RHBDF2: variants seen among roughly 807,000 people sequenced by gnomAD.
RHBDF2 encodes rhomboid 5 homolog 2, also known as inactive rhomboid protein 2.
In RHBDF2, 38 loss-of-function variants were observed where a neutral mutation model predicts 95.2. The observed-to-expected ratio is 0.40, with a 90% CI of 0.31 to 0.52. RHBDF2 has a LOEUF of 0.52. RHBDF2 is among the 20% of genes least tolerant of loss of function. The pLI is 0.56. For missense variants in RHBDF2, 863 were observed against 1,137.7 expected, an observed-to-expected ratio of 0.76 and a Z score of 3.47; for synonymous variants, 442 against 462.0, an observed-to-expected ratio of 0.96 and a Z score of 0.55.
intron 1 of RHBDF2, among the ~76,000 whole-genome samples, chr17:76,494,328 G>A (rs578257247): frequency 1.4e-4 from 21 of 152,202 alleles, no homozygotes; most frequent in Non-Finnish European, 2.6e-4. Context: ...AGCCCAATGT[G>A]CAGCAGCTGC....
intron 2 of RHBDF2, among the ~76,000 whole-genome samples, chr17:76,482,935 C>G (rs537330944): frequency 6.6e-6 from 1 of 151,934 alleles, no homozygotes; most frequent in Non-Finnish European, 1.5e-5. Flanking sequence ...TTTGGGAGAC[C>G]AAGGTGGATG....
intron 9 of RHBDF2, chr17:76,476,364 G>A: frequency 6.6e-6 from 1 of 151,268 alleles, no homozygotes; most frequent in South Asian, 2.1e-4. Flanking sequence ...TCACTATGTT[G>A]CCCAGGCTGG....
At chr17:76,489,325 G>GTTTTTT in intron 1 of RHBDF2, among the ~76,000 whole-genome samples, 1 of 131,696 alleles carries the variant, frequency 7.6e-6, no homozygotes. Flanking sequence ...GGGCATTCCT[G>GTTTTTT]TTTTTTTTTT....
intron 18 of RHBDF2, 34 bp downstream of exon 18, chr17:76,472,652 T>C (rs556959749): frequency 6.2e-7 from 1 of 1,613,404 alleles, no homozygotes; most frequent in Admixed American, 1.7e-5. Flanking sequence ...TGGCCCCCTA[T>C]GTGCGGAAGG....
In RHBDF2 at chr17:76,476,981, T is replaced by C; in HGVS notation, c.964A>G (p.Lys322Glu). The stretch of plus-strand genomic sequence containing the variant: ...TGCTTCACCTTGGAGGCGATGCGCT[T>C]GCCGCGCCGGGGCCCGGGGACTGGG... ...RAPVPGPRRG[K>E]RIASKVKHFA... The change falls in exon 9 of 19, where the codon AAG (lysine) becomes GAG (glutamate). Residue 322 changes from lysine to glutamate, a missense_variant. Lys to Glu is a moderately conservative substitution (Grantham distance 56). Coordinates refer to ENST00000675367, the MANE Select transcript of RHBDF2 (RefSeq NM_001005498.4). 6.2e-7 allele frequency: 1 copy of C among 1,613,914 alleles called. No individual in the cohort carries two copies. The highest frequency in any genetic ancestry group is 8.5e-7 in the Non-Finnish European group (1 of 1,180,040).
Position 76,474,121 on chromosome 17 carries a change from T to C in RHBDF2, c.1486A>G (p.Lys496Glu), listed in dbSNP as rs150723002. 1,079 of 1,591,040 alleles carry C rather than the reference T, an allele frequency of 6.8e-4. 3 individuals are homozygous for C. The highest frequency in any genetic ancestry group is 1.5e-3 in the Middle Eastern group (9 of 5,946). The change falls in exon 13 of 19, where the codon AAG (lysine) becomes GAG (glutamate). Residue 496 changes from lysine to glutamate, a missense_variant. By Grantham distance (56) the Lys-to-Glu change is moderately conservative. Around this residue, in one of 2 missense-constraint regions of RHBDF2, gnomAD observed 611 missense variants for 725.5 expected, o/e 0.84. Transcript: ENST00000675367. ...DCSETLATFV[K>E]WQDDTGPPMD... is the part of the protein sequence containing the mutation. Reference sequence around the variant, plus strand: ...GGGGGCCCAGTGTCATCCTGCCACTTGACAAAAGTGGCCAAAGTCTCCTGG... The same window carrying C: ...GGGGGCCCAGTGTCATCCTGCCACTCGACAAAAGTGGCCAAAGTCTCCTGG...
intron 1 of RHBDF2, among the ~76,000 whole-genome samples, chr17:76,492,626 T>G (rs2074332865): frequency 6.6e-6 from 1 of 152,086 alleles, no homozygotes; most frequent in South Asian, 2.1e-4. Flanking sequence ...CAGGTGCAGT[T>G]CCCTCTCTCC....
chr17:76,471,136 T>A lies in RHBDF2; in HGVS notation c.*497A>T, dbSNP rs2073543795. ...AAAGCCTTTCCCACAATGTCCCATCTGAGAGCCTTATGGATGGGCTCACAG... is the reference window on the plus strand; with the variant it reads ...AAAGCCTTTCCCACAATGTCCCATCAGAGAGCCTTATGGATGGGCTCACAG... On this transcript the variant is annotated 3_prime_UTR_variant, in exon 19 of 19. Transcript: ENST00000675367. 1 of 161,496 alleles carries A rather than the reference T, an allele frequency of 6.2e-6. No individual in the cohort carries two copies. The highest frequency in any genetic ancestry group is 2.4e-5 in the African/African-American group (1 of 41,532). The allele number at this position is 161,496 out of a possible 1,614,324, so 10.0% of individuals were successfully genotyped here.
At chr17:76,480,806 T>C (rs1239102620) in intron 3 of RHBDF2, among the ~76,000 whole-genome samples, 1 of 152,224 alleles carries the variant, frequency 6.6e-6, no homozygotes, top group Non-Finnish European at 1.5e-5. Context: ...TGCTGCTGTG[T>C]CTTCTGCAGA....
rs2073778361 is a variant in RHBDF2 at position 76,476,575 on chromosome 17, G to A, written c.1115+255C>T. On this transcript the variant is annotated intron_variant, in intron 9 of 18. Transcript: ENST00000675367. ...CTCAATGAACATTTGTTGACTGACT[G>A]CTGTCTGGGAGCAAGGCTGGGGACC... 1.2e-5 allele frequency: 6 copies of A among 503,234 alleles called. No individual in the cohort carries two copies. The East Asian group carries it at 2.1e-4, about 17-fold the overall frequency. 31.2% of individuals were successfully genotyped at this position (503,234 alleles called of 1,614,324 possible).
chr17:76,481,383 G>T lies in RHBDF2; in HGVS notation c.142C>A (p.Leu48Met). The T allele has an allele frequency of 6.2e-7, 1 of 1,611,324 alleles. No homozygotes were observed. The change falls in exon 3 of 19, where the codon CTG becomes ATG. Residue 48 changes from leucine to methionine, a missense_variant. Leu to Met is a conservative substitution (Grantham distance 15). This residue lies in a region of RHBDF2 where 611 missense variants were observed against 725.5 expected (regional missense o/e 0.84). Transcript: ENST00000675367. ...CAGGCCAGCCCCCTTACCTCAGGCAGCATGCTGTCCTGCTCGCCAGGGGCC... is the reference window on the plus strand; with the variant it reads ...CAGGCCAGCCCCCTTACCTCAGGCATCATGCTGTCCTGCTCGCCAGGGGCC... ...TQAPGEQDSM[L>M]PERKNPAYLK...
chr17:76,495,289 C>A (rs76635686), intron 1 of RHBDF2, among the ~76,000 whole-genome samples: 1 of 152,214 alleles, frequency 6.6e-6, no homozygotes, highest in Non-Finnish European at 1.5e-5. Flanking sequence ...TGTGACCAGG[C>A]CATTTCCGTT....
intron 9 of RHBDF2, 64 bp from the exon 10 acceptor site, chr17:76,475,205 A>G (rs2073732669): frequency 1.6e-6 from 2 of 1,241,770 alleles, no homozygotes; most frequent in Non-Finnish European, 2.3e-6. Flanking sequence ...TCCCGGCCAC[A>G]GGGCCACCCT....
chr17:76,488,295 T>G (rs1233476642), intron 1 of RHBDF2: 1 of 147,816 alleles, frequency 6.8e-6, no homozygotes, highest in Non-Finnish European at 1.5e-5. Context: ...AGGTCAGGAG[T>G]TCGAGATCGG....
rs137950656 is a variant in RHBDF2 at position 76,494,933 on chromosome 17, G to A, written c.-220+6420C>T. ...GGGCACGCACAGCAGCCGGGCCCCA[G>A]TTCTCCTGCTCCCTCAGCATCGTTG... On this transcript the variant is annotated intron_variant, in intron 1 of 18. Transcript: ENST00000675367. Among the ~76,000 whole-genome samples the A allele has an allele frequency of 3.4e-3, 519 of 152,318 alleles. 3 individuals are homozygous for A. Among genetic ancestry groups the A allele is most frequent in the African/African-American group, 0.012 (481 of 41,572 alleles).
rs781295911 is a variant in RHBDF2, at chr17:76,474,809, C to G, written c.1228-5G>C. The G allele has an allele frequency of 6.2e-7, 1 of 1,613,104 alleles. No homozygotes were observed. The highest frequency in any genetic ancestry group is 2.2e-5 in the East Asian group (1 of 44,846). Reference sequence around the variant, plus strand: ...CACACCTTTGTTCCGCAGCACCTATCGTGGAGGTAGCACAGAGGAGGGCGT... The same window carrying G: ...CACACCTTTGTTCCGCAGCACCTATGGTGGAGGTAGCACAGAGGAGGGCGT... On this transcript the variant is annotated splice_polypyrimidine_tract_variant and splice_region_variant and intron_variant, in intron 10 of 18. Transcript: ENST00000675367.
chr17:76,479,628 C>T, intron 4 of RHBDF2, 105 bp downstream of exon 4: 2 of 867,692 alleles, frequency 2.3e-6, no homozygotes, highest in South Asian at 1.5e-5. Flanking sequence ...CCGGCCTCCT[C>T]CTTCCAGAGA....
At chr17:76,474,938 A>G in intron 10 of RHBDF2, 92 bp downstream of exon 10, 1 of 1,478,336 alleles carries the variant, frequency 6.8e-7, no homozygotes, top group East Asian at 2.4e-5. Context: ...TGCTGGGGCC[A>G]GATTGTTGCG....
At chr17:76,474,603 C>A in intron 11 of RHBDF2, 69 bp from the exon 12 acceptor site, 1 of 1,609,928 alleles carries the variant, frequency 6.2e-7, no homozygotes, top group East Asian at 2.2e-5. Context: ...CATCACTCCA[C>A]CTCTGCCCCG....
Sources: gnomAD v4.1 joint callset for allele counts (sites outside exome capture counted in the v4.1 genomes callset) on GRCh38, gnomAD v4.1.1 for gene constraint, gnomAD v4.1.1 regional missense constraint, MANE v1.5 for transcripts, NCBI Gene and HGNC (gene_info 2026-07-23, HGNC 2026-07-21) for gene names.